NMUR1: variants seen among roughly 807,000 people sequenced by gnomAD.
NMUR1 encodes the protein neuromedin U receptor 1, also known as neuromedin-U receptor 1.
A neutral mutation model predicts 18.8 loss-of-function variants in NMUR1; 16 were observed. The ratio of observed to expected loss-of-function variants is 0.85; its 90% CI spans 0.58 to 1.29. NMUR1 has a LOEUF of 1.29. Ranked by LOEUF, NMUR1 falls within the 50% of genes most tolerant of loss-of-function variation. The probability of loss-of-function intolerance (pLI) is 0.00; values close to 1 mark genes in which losing one functional copy is unlikely to be tolerated. For synonymous variants in NMUR1, 258 were observed against 258.2 expected, an observed-to-expected ratio of 1.00 and a Z score of 0.01; for missense variants, 529 against 580.3, an observed-to-expected ratio of 0.91 and a Z score of 0.91.
chr2:231,526,322 T>C (rs1315900253), intron 2 of NMUR1, among the ~76,000 whole-genome samples: 1 of 151,822 alleles, frequency 6.6e-6, no homozygotes, highest in Non-Finnish European at 1.5e-5. Flanking sequence ...ATCCCAGATT[T>C]CAAAAAGGAC....
Position 231,528,977 on chromosome 2 carries a change from A to G in NMUR1, c.44T>C (p.Leu15Pro). ...CLNCSVLPGD[L>P]YPGGARNPMA... ...GGGGTTCCTTGCACCCCCTGGGTAC[A>G]GGTCTCCAGGGAGGACAGAGCAATT... Residue 15 changes from leucine to proline, a missense_variant, in exon 2 of 3, where the codon CTG becomes CCG. By Grantham distance (98) the Leu-to-Pro change is moderately conservative. Transcript: ENST00000305141. 1 of 1,613,506 alleles carries G rather than the reference A, an allele frequency of 6.2e-7. No homozygotes were observed. Among genetic ancestry groups the G allele is most frequent in the East Asian group, 2.2e-5 (1 of 44,858 alleles).
rs746852547 is a variant in NMUR1, at chr2:231,525,292, G to A, written c.1032C>T (p.Phe344=). 2.5e-6 allele frequency: 4 copies of A among 1,614,226 alleles called. No individual in the cohort carries two copies. The South Asian group carries it at 4.4e-5, about 18-fold the overall frequency. ...FQHVHVISGI[F]FYLGSAANPV... ...GGTTGGCCGCCGAGCCCAGGTAGAA[G>A]AAGATGCCGGAGATGACGTGCACGT... Residue 344 remains phenylalanine, a synonymous_variant, in exon 3 of 3, where the codon TTC becomes TTT. Transcript: ENST00000305141.
chr2:231,522,653 C>G (rs1466308793), downstream of NMUR1, among the ~76,000 whole-genome samples: 1 of 151,248 alleles, frequency 6.6e-6, no homozygotes, highest in Non-Finnish European at 1.5e-5. Context: ...GCTGTCCCCA[C>G]TCAGGGCTTG....
chr2:231,528,281 A>G lies in NMUR1; in HGVS notation c.740T>C (p.Met247Thr). ...CCCAATGAGCAGGTAGAGCACGCTC[A>G]TGATGGCCATGGGCAGGCAGAAGAA... The part of the protein sequence containing the change: ...LLFFCLPMAI[M>T]SVLYLLIGLR... The change falls in exon 2 of 3, where the codon ATG becomes ACG. Residue 247 changes from methionine (M) to threonine (T), a missense_variant. By Grantham distance (81) the Met-to-Thr change is moderately conservative (BLOSUM62 -1). Coordinates refer to ENST00000305141, the MANE Select transcript of NMUR1 (RefSeq NM_006056.5). The G allele has an allele frequency of 1.2e-6, 2 of 1,613,842 alleles. No individual in the cohort carries two copies. The highest frequency in any genetic ancestry group is 1.1e-5 in the South Asian group (1 of 91,064).
At chr2:231,526,651 G>A (rs532842775) in intron 2 of NMUR1, among the ~76,000 whole-genome samples, 75 of 152,306 alleles carry the variant, frequency 4.9e-4, no homozygotes, top group Middle Eastern at 3.4e-3. Context: ...GCTCTGGGAC[G>A]GTGTCTGAGG....
downstream of NMUR1, among the ~76,000 whole-genome samples, chr2:231,519,176 G>A (rs945698854): frequency 8.5e-5 from 13 of 152,358 alleles, no homozygotes; most frequent in Admixed American, 3.3e-4. Flanking sequence ...GGGCTTGAAT[G>A]TTAGATTAAA....
In NMUR1 at chr2:231,528,948, C is replaced by A; in HGVS notation, c.73G>T (p.Ala25Ser). ...LYPGGARNPM[A>S]CNGSAARGHF... ...CCCCTGGCCGCACTGCCATTGCAAG[C>A]CATGGGGTTCCTTGCACCCCCTGGG... is the stretch of plus-strand genomic sequence containing the variant. The change falls in exon 2 of 3, where the codon GCT (alanine) becomes TCT (serine). Residue 25 changes from alanine (A) to serine (S), a missense_variant. Transcript: ENST00000305141. 6.2e-7 allele frequency: 1 copy of A among 1,614,094 alleles called. No individual in the cohort carries two copies. Among genetic ancestry groups the A allele is most frequent in the Non-Finnish European group, 8.5e-7 (1 of 1,179,996 alleles).
chr2:231,530,206 A>T (rs2047400956), intron 1 of NMUR1, among the ~76,000 whole-genome samples, 153 bp downstream of exon 1: 1 of 151,932 alleles, frequency 6.6e-6, no homozygotes, highest in African/African-American at 2.4e-5. Context: ...GGAAGACACA[A>T]ATGACCCGAG....
At chr2:231,523,084 A>G (rs922383128), downstream of NMUR1, 1 of 320,020 alleles carries the variant, frequency 3.1e-6, no homozygotes, top group Non-Finnish European at 5.7e-6. Flanking sequence ...TAGAACATCC[A>G]CTGGACAAAA....
At position 231,530,398 on chromosome 2, in the gene NMUR1, C is replaced by T; in HGVS notation, c.-37G>A. On this transcript the variant is annotated 5_prime_UTR_variant, in exon 1 of 3. Coordinates refer to ENST00000305141, the MANE Select transcript of NMUR1 (RefSeq NM_006056.5). ...CCCGCGAGACCCCGGCTTCCACCCT[C>T]CGAGCGACGGACACAGACGCGGCGC... 6.8e-7 allele frequency: 1 copy of T among 1,479,996 alleles called. No individual in the cohort carries two copies. The highest frequency in any genetic ancestry group is 1.3e-5 in the South Asian group (1 of 78,756). 91.7% of individuals were successfully genotyped at this position (1,479,996 alleles called of 1,614,324 possible). A position where few individuals can be genotyped will look rare whatever the true frequency, so the allele number is the denominator to read the frequency against.
At chr2:231,527,998 A>ACACACACACACG in intron 2 of NMUR1, 125 bp downstream of exon 2, 1 of 963,528 alleles carries the variant, frequency 1.0e-6, no homozygotes, top group Non-Finnish European at 1.5e-6. Flanking sequence ...ACACACACAC[A>ACACACACACACG]CGAGACTAGA....
In NMUR1 at chr2:231,528,604, T is replaced by C. The variant is rs755686327; in HGVS notation, c.417A>G (p.Leu139=). Residue 139 remains leucine, a synonymous_variant, in exon 2 of 3, where the codon CTA becomes CTG. Coordinates refer to ENST00000305141, the MANE Select transcript of NMUR1 (RefSeq NM_006056.5). ...AGGCCAGGCAGACCATCTCAAACAG[T>C]AGCGTGCGGAAATAGCAGCCACCAA... ...LGVGGCYFRT[L]LFEMVCLASV... The C allele has an allele frequency of 6.2e-7, 1 of 1,614,100 alleles. No individual in the cohort carries two copies. Among genetic ancestry groups the C allele is most frequent in the Non-Finnish European group, 8.5e-7 (1 of 1,180,028 alleles).
In NMUR1 at chr2:231,528,617, T is replaced by C. The variant is rs142643751; in HGVS notation, c.404A>G (p.Tyr135Cys). 1.2e-6 allele frequency: 2 copies of C among 1,613,970 alleles called. No homozygotes were observed. The highest frequency in any genetic ancestry group is 1.3e-5 in the African/African-American group (1 of 74,902). Residue 135 changes from tyrosine (Y) to cysteine (C), a missense_variant, in exon 2 of 3, where the codon TAT (tyrosine) becomes TGT (cysteine). Tyr to Cys is a radical substitution (Grantham distance 194). Transcript: ENST00000305141. ...YPFLLGVGGC[Y>C]FRTLLFEMVC... ...CATCTCAAACAGTAGCGTGCGGAAA[T>C]AGCAGCCACCAACGCCCAGCAGGAA...
chr2:231,528,973 G>A lies in NMUR1; in HGVS notation c.48C>T (p.Tyr16=). The change falls in exon 2 of 3, where the codon TAC becomes TAT. Residue 16 remains tyrosine, a synonymous_variant. Transcript: ENST00000305141. ...CCATGGGGTTCCTTGCACCCCCTGG[G>A]TACAGGTCTCCAGGGAGGACAGAGC... The part of the protein sequence containing the change: ...LNCSVLPGDL[Y]PGGARNPMAC... 1 of 1,613,726 alleles carries A rather than the reference G, an allele frequency of 6.2e-7. No individual in the cohort carries two copies. Among genetic ancestry groups the A allele is most frequent in the Non-Finnish European group, 8.5e-7 (1 of 1,179,828 alleles).
chr2:231,526,794 C>T (rs913181762), intron 2 of NMUR1, among the ~76,000 whole-genome samples: 8 of 137,802 alleles, frequency 5.8e-5, no homozygotes, highest in Admixed American at 1.6e-4. Context: ...TGGGGCTGAG[C>T]TGGGATGCAG....
chr2:231,519,310 C>G (rs962862782), downstream of NMUR1, among the ~76,000 whole-genome samples: 1 of 152,250 alleles, frequency 6.6e-6, no homozygotes, highest in African/African-American at 2.4e-5. Context: ...TTCGCCTTCC[C>G]TGAGTCCCCA....
At chr2:231,530,332 A>G in intron 1 of NMUR1, 27 bp downstream of exon 1, 1 of 1,496,128 alleles carries the variant, frequency 6.7e-7, no homozygotes, top group Non-Finnish European at 8.8e-7. Flanking sequence ...GCCGCGCCCT[A>G]GCCCACGCCG....
downstream of NMUR1, among the ~76,000 whole-genome samples, chr2:231,521,419 G>A (rs187147211): frequency 3.9e-5 from 6 of 152,312 alleles, no homozygotes; most frequent in East Asian, 1.2e-3. Context: ...CAGAGAGCAG[G>A]ATAGAGGCAG....
rs111529127 is a variant in NMUR1 at position 231,528,931 on chromosome 2, C to T, written c.90G>A (p.Ala30=). 10 of 1,614,134 alleles carry T rather than the reference C, an allele frequency of 6.2e-6. No individual in the cohort carries two copies. In the Middle Eastern group the frequency reaches 6.6e-4, roughly 107 times the overall value. The change falls in exon 2 of 3, where the codon GCG becomes GCA. Residue 30 remains alanine (A), a synonymous_variant. Coordinates refer to ENST00000305141, the MANE Select transcript of NMUR1 (RefSeq NM_006056.5). ...ARNPMACNGS[A]ARGHFDPEDL... ...CCTCAGGGTCAAAGTGCCCCCTGGC[C>T]GCACTGCCATTGCAAGCCATGGGGT... is the stretch of plus-strand genomic sequence containing the variant.
Sources: gnomAD v4.1 joint callset for allele counts (sites outside exome capture counted in the v4.1 genomes callset) on GRCh38, gnomAD v4.1.1 for gene constraint, MANE v1.5 for transcripts, NCBI Gene and HGNC (gene_info 2026-07-23, HGNC 2026-07-21) for gene names.